Variants in CCDC91 observed in about 807,000 individuals in gnomAD.
CCDC91 encodes coiled-coil domain-containing protein 91.
CCDC91 carries 48 observed loss-of-function variants against 63.2 expected under a neutral mutation model. The observed-to-expected ratio is 0.76, with a 90% CI of 0.60 to 0.97. The LOEUF is 0.97. Ranked by LOEUF, CCDC91 falls within the 50% of genes least tolerant of loss-of-function variation. The pLI is 0.00. For synonymous variants in CCDC91, 167 were observed against 165.8 expected, an observed-to-expected ratio of 1.01 and a Z score of -0.06; for missense variants, 500 against 494.6, an observed-to-expected ratio of 1.01 and a Z score of -0.10.
At chr12:28,540,382 G>A (rs1942541613) in intron 12 of CCDC91, among the ~76,000 whole-genome samples, 1 of 152,098 alleles carries the variant, frequency 6.6e-6, no homozygotes, top group South Asian at 2.1e-4. Flanking sequence ...TAATTACATG[G>A]TTTAATGACT....
At chr12:28,214,647 C>A (rs759670720) in intron 1 of CCDC91, among the ~76,000 whole-genome samples, 2 of 151,764 alleles carry the variant, frequency 1.3e-5, no homozygotes, top group Admixed American at 1.3e-4. Context: ...TAAGATAGTT[C>A]GACTATATAT....
chr12:28,475,551 A>G (rs571885947), intron 11 of CCDC91, among the ~76,000 whole-genome samples: 1 of 152,202 alleles, frequency 6.6e-6, no homozygotes. Context: ...GATTGAGAAC[A>G]ATACAGAACA....
At chr12:28,282,004 AG>A (rs1300280890) in intron 3 of CCDC91, among the ~76,000 whole-genome samples, 3 of 152,202 alleles carry the variant, frequency 2.0e-5, no homozygotes, top group African/African-American at 7.2e-5. Flanking sequence ...ATATTTTAAA[AG>A]ATAAAGGAGC....
chr12:28,384,801 A>G (rs911400624), intron 7 of CCDC91, among the ~76,000 whole-genome samples: 5 of 152,080 alleles, frequency 3.3e-5, no homozygotes, highest in African/African-American at 9.7e-5. Flanking sequence ...TTTGTAAGGC[A>G]GGTATGTAAA....
At chr12:28,233,125 GGT>G (rs1226941951) in intron 1 of CCDC91, among the ~76,000 whole-genome samples, 1 of 151,774 alleles carries the variant, frequency 6.6e-6, no homozygotes, top group African/African-American at 2.4e-5. Flanking sequence ...ACAGATAGAG[GGT>G]GTATCGTGTG....
chr12:28,268,097 T>C (rs1947479350), intron 3 of CCDC91, among the ~76,000 whole-genome samples: 1 of 149,744 alleles, frequency 6.7e-6, no homozygotes, highest in Admixed American at 6.8e-5. Flanking sequence ...AGAGTCTTGC[T>C]CTGTTGCCCA....
At chr12:28,446,300 A>C (rs1949498592) in intron 8 of CCDC91, among the ~76,000 whole-genome samples, 1 of 152,188 alleles carries the variant, frequency 6.6e-6, no homozygotes, top group Non-Finnish European at 1.5e-5. Context: ...GCTATTGTGA[A>C]GCTTACTCAC....
intron 6 of CCDC91, among the ~76,000 whole-genome samples, chr12:28,343,737 T>C (rs1309448315): frequency 1.3e-5 from 2 of 152,160 alleles, no homozygotes; most frequent in Non-Finnish European, 2.9e-5. Flanking sequence ...CAAATTCTTA[T>C]GGAATATTTG....
intron 1 of CCDC91, among the ~76,000 whole-genome samples, chr12:28,244,856 G>A (rs1159033977): frequency 6.7e-6 from 1 of 148,176 alleles, no homozygotes; most frequent in Admixed American, 6.7e-5. Context: ...GGCAACAAGA[G>A]GGAAACTCTG....
intron 7 of CCDC91, among the ~76,000 whole-genome samples, chr12:28,389,146 T>C (rs1444424206): frequency 3.9e-5 from 6 of 152,142 alleles, no homozygotes; most frequent in Non-Finnish European, 8.8e-5. Flanking sequence ...GCTATTCTTA[T>C]CTACTGAATG....
At chr12:28,531,291 A>G (rs1941708986) in intron 12 of CCDC91, among the ~76,000 whole-genome samples, 1 of 152,194 alleles carries the variant, frequency 6.6e-6, no homozygotes, top group Non-Finnish European at 1.5e-5. Flanking sequence ...TGGAAAATGA[A>G]TGATCCTCAG....
At chr12:28,277,007 G>C (rs1948274127) in intron 3 of CCDC91, among the ~76,000 whole-genome samples, 1 of 151,882 alleles carries the variant, frequency 6.6e-6, no homozygotes, top group Non-Finnish European at 1.5e-5. Context: ...TATGGTATCA[G>C]TTTTCCTAAA....
intron 3 of CCDC91, chr12:28,268,549 A>G (rs950295102): frequency 3.7e-5 from 16 of 437,794 alleles, no homozygotes; most frequent in African/African-American, 3.2e-4. Flanking sequence ...ACATTTTCAT[A>G]GAATCTGTGA....
intron 12 of CCDC91, among the ~76,000 whole-genome samples, chr12:28,513,276 A>AG (rs1939574691): frequency 6.6e-6 from 1 of 151,922 alleles, no homozygotes. Context: ...AGTAAGTGGT[A>AG]GTGGGCATGT....
intron 12 of CCDC91, among the ~76,000 whole-genome samples, chr12:28,498,334 G>A (rs542896926): frequency 3.8e-4 from 57 of 151,676 alleles, no homozygotes; most frequent in African/African-American, 1.3e-3. Flanking sequence ...ACTGTGATGG[G>A]CACAGAAAAC....
intron 12 of CCDC91, among the ~76,000 whole-genome samples, chr12:28,545,152 T>G (rs1317785751): frequency 6.6e-6 from 1 of 152,012 alleles, no homozygotes; most frequent in African/African-American, 2.4e-5. Context: ...CAAAAAAATA[T>G]TTGCCACCAC....
chr12:28,469,895 AG>A (rs1205713035), intron 11 of CCDC91, among the ~76,000 whole-genome samples: 5 of 152,152 alleles, frequency 3.3e-5, no homozygotes, highest in African/African-American at 4.8e-5. Context: ...ATACAGAAGA[AG>A]TAAACTAGAC....
intron 3 of CCDC91, among the ~76,000 whole-genome samples, chr12:28,287,350 T>G (rs1290269054): frequency 6.6e-6 from 1 of 152,198 alleles, no homozygotes; most frequent in Non-Finnish European, 1.5e-5. Context: ...AGTTTTACAT[T>G]TAAGTCTTTA....
intron 3 of CCDC91, among the ~76,000 whole-genome samples, chr12:28,268,042 A>T (rs936224755): frequency 5.0e-4 from 68 of 136,620 alleles, no homozygotes; most frequent in Admixed American, 1.9e-3. Context: ...TTATTAATTA[A>T]AAATTAAAAA....
Sources: gnomAD v4.1 joint callset for allele counts (sites outside exome capture counted in the v4.1 genomes callset) on GRCh38, gnomAD v4.1.1 for gene constraint, MANE v1.5 for transcripts, NCBI Gene and HGNC (gene_info 2026-07-23, HGNC 2026-07-21) for gene names.